TNNT2: variants seen among roughly 807,000 people sequenced by gnomAD.
TNNT2 encodes troponin T, cardiac muscle.
In TNNT2, 34 loss-of-function variants were observed where a neutral mutation model predicts 62.4. That is an observed-to-expected ratio of 0.54 (90% confidence interval 0.41 to 0.72). The LOEUF (loss-of-function observed/expected upper bound fraction) is 0.72, where lower values mean the gene tolerates loss of function less well. Ranked by LOEUF, TNNT2 falls within the 30% of genes least tolerant of loss-of-function variation. TNNT2 has a pLI of 0.00. For synonymous variants in TNNT2, 123 were observed against 127.2 expected (o/e 0.97, Z 0.22); for missense variants, 275 against 381.9 (o/e 0.72, Z 2.33).
At chr1:201,375,101 C>G (rs1287995177) in intron 1 of TNNT2, 1 of 152,428 alleles carries the variant, frequency 6.6e-6, no homozygotes, top group Non-Finnish European at 1.5e-5. Context: ...TGCACATCCC[C>G]CCCATAGTGG....
At chr1:201,377,442 G>T (rs544248464) in intron 1 of TNNT2, among the ~76,000 whole-genome samples, 181 bp downstream of exon 1, 1 of 152,162 alleles carries the variant, frequency 6.6e-6, no homozygotes, top group Admixed American at 6.5e-5. Context: ...CTGCTCTATT[G>T]TACCAATCTT....
At chr1:201,367,081 C>T in intron 7 of TNNT2, 2 of 723,858 alleles carry the variant, frequency 2.8e-6, no homozygotes, top group South Asian at 3.3e-5. Flanking sequence ...CCATAGAGTT[C>T]TGCAGGGCAC....
intron 7 of TNNT2, chr1:201,367,289 T>A: frequency 2.6e-6 from 1 of 387,518 alleles, no homozygotes; most frequent in Non-Finnish European, 4.9e-6. Context: ...GGGCAGAAGC[T>A]GATGACATGA....
In TNNT2 at chr1:201,369,822, C is replaced by T. The variant is rs929267187; in HGVS notation, c.91G>A (p.Glu31Lys). Reference sequence around the variant, plus strand: ...GAAGGAAAGGCTGTACTACCGTCTTCGTCCTCTCTCCAGTCCTCCTCTTCT... The same window carrying T: ...GAAGGAAAGGCTGTACTACCGTCTTTGTCCTCTCTCCAGTCCTCCTCTTCT... ...VEEEEDWRED[E>K]DEQEEAAEED... The change falls in exon 5 of 17, where the codon GAA becomes AAA. Residue 31 changes from glutamate to lysine, a missense_variant. Physicochemically the swap from Glu to Lys is moderately conservative, Grantham distance 56 (BLOSUM62 1). Transcript: ENST00000656932. The T allele has an allele frequency of 3.1e-6, 5 of 1,614,190 alleles. No homozygotes were observed. Among genetic ancestry groups the T allele is most frequent in the African/African-American group, 1.3e-5 (1 of 75,060 alleles).
At chr1:201,362,317 C>G in intron 13 of TNNT2, 69 bp downstream of exon 13, 2 of 1,594,570 alleles carry the variant, frequency 1.3e-6, no homozygotes. Flanking sequence ...TCCAGCAAGG[C>G]GCCTTCCCCT....
intron 4 of TNNT2, 39 bp downstream of exon 4, chr1:201,371,988 C>T (rs1240533793): frequency 1.3e-5 from 21 of 1,613,696 alleles, no homozygotes; most frequent in Non-Finnish European, 1.8e-5. Context: ...ATTGCTGAGC[C>T]TGCCCCTTTC....
At position 201,367,068 on chromosome 1, in the gene TNNT2, C is replaced by T. The variant is rs1407254780; in HGVS notation, c.200-197G>A. 1.6e-5 allele frequency: 13 copies of T among 794,078 alleles called. No individual in the cohort carries two copies. In the Admixed American group the frequency reaches 2.0e-4, roughly 13 times the overall value. The allele number at this position is 794,078 out of a possible 1,614,324, so 49.2% of individuals were successfully genotyped here. A position where few individuals can be genotyped will look rare whatever the true frequency, so the allele number is the denominator to read the frequency against. The stretch of plus-strand genomic sequence containing the variant: ...GGGGGCTGCAGATGCCACACTCCCC[C>T]TCCCATAGAGTTCTGCAGGGCACAC... On this transcript the variant is annotated intron_variant, in intron 7 of 16. Transcript: ENST00000656932.
At chr1:201,367,922 T>C (rs1659945759) in intron 6 of TNNT2, 116 bp from the exon 7 acceptor site, 8 of 1,300,442 alleles carry the variant, frequency 6.2e-6, no homozygotes, top group Non-Finnish European at 8.9e-6. Flanking sequence ...ACTCTGTTGG[T>C]TTTTGGGGTT....
intron 2 of TNNT2, 167 bp downstream of exon 2, chr1:201,373,047 G>A (rs1470360012): frequency 2.6e-6 from 2 of 769,156 alleles, no homozygotes; most frequent in East Asian, 2.5e-5. Context: ...CTACAACCCA[G>A]GGGTACAGGA....
chr1:201,371,457 C>G (rs148855085), intron 4 of TNNT2, among the ~76,000 whole-genome samples: 2 of 152,310 alleles, frequency 1.3e-5, no homozygotes, highest in African/African-American at 4.8e-5. Flanking sequence ...CTCACAATCG[C>G]ATTTGAGAAA....
Position 201,365,769 on chromosome 1 carries a change from C to T in TNNT2, c.234-99G>A, listed in dbSNP as rs1659555327. On this transcript the variant is annotated intron_variant, in intron 8 of 16. Transcript: ENST00000656932. ...GCCCTGATCCTTCCTAGAGAATCTT[C>T]CAGCACTGCCCCGACCAACCACAGC... 4.4e-5 allele frequency: 68 copies of T among 1,560,760 alleles called. No individual in the cohort carries two copies. The South Asian group carries it at 8.0e-4, about 18-fold the overall frequency.
At chr1:201,376,421 C>T (rs1340659339) in intron 1 of TNNT2, among the ~76,000 whole-genome samples, 1 of 152,172 alleles carries the variant, frequency 6.6e-6, no homozygotes, top group African/African-American at 2.4e-5. Flanking sequence ...ACAGGCCCCA[C>T]CCCTCAGTCC....
chr1:201,366,039 G>A, intron 8 of TNNT2: 1 of 1,168,182 alleles, frequency 8.6e-7, no homozygotes, highest in Non-Finnish European at 1.1e-6. Context: ...CAAATCCCCT[G>A]GTGGACCCCG....
chr1:201,361,727 C>T (rs1314878332), intron 14 of TNNT2, among the ~76,000 whole-genome samples, 186 bp downstream of exon 14: 3 of 152,248 alleles, frequency 2.0e-5, no homozygotes, highest in Non-Finnish European at 2.9e-5. Context: ...CTTTCCCCAT[C>T]AGCAAAGCCC....
At chr1:201,376,890 A>T (rs1661475839) in intron 1 of TNNT2, among the ~76,000 whole-genome samples, 1 of 152,206 alleles carries the variant, frequency 6.6e-6, no homozygotes. Context: ...CTGGGCTCAC[A>T]CCCAAGGACA....
intron 1 of TNNT2, 59 bp from the exon 2 acceptor site, chr1:201,373,327 A>G (rs993600532): frequency 5.4e-6 from 8 of 1,477,466 alleles, no homozygotes; most frequent in Non-Finnish European, 7.6e-6. Context: ...TCCTCAGAAG[A>G]GCTCTGGCCC....
intron 1 of TNNT2, among the ~76,000 whole-genome samples, chr1:201,376,262 G>A (rs1450194273): frequency 6.6e-6 from 1 of 152,150 alleles, no homozygotes; most frequent in Non-Finnish European, 1.5e-5. Flanking sequence ...TACTGACCTT[G>A]GGGTCAAAAA....
At chr1:201,372,810 G>T (rs986240149) in intron 2 of TNNT2, among the ~76,000 whole-genome samples, 16 of 152,198 alleles carry the variant, frequency 1.1e-4, no homozygotes, top group African/African-American at 3.9e-4. Context: ...AGAGAGTAGG[G>T]ATCCAAGACA....
chr1:201,371,146 TCTC>T (rs1660554053), intron 4 of TNNT2, among the ~76,000 whole-genome samples: 2 of 152,126 alleles, frequency 1.3e-5, no homozygotes, highest in African/African-American at 4.8e-5. Context: ...TAGAGACCCT[TCTC>T]CTAATATCTA....
Sources: allele counts gnomAD v4.1 joint callset (sites outside exome capture counted in the v4.1 genomes callset), GRCh38; gene constraint gnomAD v4.1.1; transcripts MANE v1.5; gene names NCBI Gene and HGNC (gene_info 2026-07-23, HGNC 2026-07-21).